CDK8: variants seen among roughly 807,000 people sequenced by gnomAD.
CDK8 encodes cyclin dependent kinase 8, also known as cyclin-dependent kinase 8.
CDK8 carries 29 observed loss-of-function variants against 71.5 expected under a neutral mutation model. The ratio of observed to expected loss-of-function variants is 0.41; its 90% CI spans 0.30 to 0.55. CDK8 has a LOEUF of 0.55. Ranked by LOEUF, CDK8 falls within the 20% of genes least tolerant of loss-of-function variation. CDK8 has a pLI of 0.37. For missense variants in CDK8, 288 were observed against 572.6 expected, an observed-to-expected ratio of 0.50 and a Z score of 5.07; for synonymous variants, 161 against 192.1, an observed-to-expected ratio of 0.84 and a Z score of 1.34.
intron 1 of CDK8, among the ~76,000 whole-genome samples, chr13:26,329,970 G>A (rs1287249645): frequency 1.3e-5 from 2 of 152,092 alleles, no homozygotes; most frequent in Non-Finnish European, 2.9e-5. Flanking sequence ...TCCACTTCCT[G>A]GGGTGTCTCA....
At chr13:26,291,426 T>C (rs1873293405) in intron 1 of CDK8, among the ~76,000 whole-genome samples, 1 of 152,180 alleles carries the variant, frequency 6.6e-6, no homozygotes, top group South Asian at 2.1e-4. Context: ...TTTGGTAGAA[T>C]TCTGAAATTG....
rs146163779 is a variant in CDK8, at chr13:26,356,256, G to A, written c.456+2376G>A. On this transcript the variant is annotated intron_variant, in intron 4 of 12. Coordinates refer to ENST00000381527, the MANE Select transcript of CDK8 (RefSeq NM_001260.3). ...TGCTTTTTATTGTCACTATATGCTG[G>A]CAATTCTGAACAATTTCAGTAATAA... Among the ~76,000 whole-genome samples the A allele has an allele frequency of 3.4e-3, 511 of 152,206 alleles. 4 individuals are homozygous for A. The highest frequency in any genetic ancestry group is 0.012 in the African/African-American group (494 of 41,524).
intron 3 of CDK8, among the ~76,000 whole-genome samples, chr13:26,352,280 A>C (rs923863051): frequency 6.6e-6 from 1 of 151,896 alleles, no homozygotes; most frequent in African/African-American, 2.4e-5. Flanking sequence ...CGGTGGCAGG[A>C]TCTCCACTCA....
At chr13:26,375,530 G>C (rs574752454) in intron 4 of CDK8, among the ~76,000 whole-genome samples, 8 of 152,166 alleles carry the variant, frequency 5.3e-5, no homozygotes, top group Non-Finnish European at 8.8e-5. Context: ...ATCTACCTAT[G>C]CATATATCTT....
intron 1 of CDK8, among the ~76,000 whole-genome samples, chr13:26,255,949 T>G (rs769698868): frequency 6.6e-6 from 1 of 152,198 alleles, no homozygotes; most frequent in African/African-American, 2.4e-5. Context: ...TTTAGTATTC[T>G]GGATGTTGGA....
intron 2 of CDK8, among the ~76,000 whole-genome samples, chr13:26,347,341 T>A (rs760551133): frequency 1.3e-5 from 2 of 152,194 alleles, no homozygotes; most frequent in Non-Finnish European, 2.9e-5. Flanking sequence ...GTGCTGTATC[T>A]CACAGGGTTG....
Position 26,401,317 on chromosome 13 carries a change from GGAA to G in CDK8, c.1087_1089del (p.Glu363del). 3.1e-6 allele frequency: 5 copies of G among 1,614,046 alleles called. No individual in the cohort carries two copies. Among genetic ancestry groups the G allele is most frequent in the Non-Finnish European group, 4.2e-6 (5 of 1,179,970 alleles). ...CTTACCCAAAACGAGAATTTTTAAC[GGAA>G]GAAGAACCTGATGACAAAGGAGACA... is the stretch of plus-strand genomic sequence containing the variant. On this transcript the variant is annotated inframe_deletion, in exon 11 of 13. Coordinates refer to ENST00000381527, the MANE Select transcript of CDK8 (RefSeq NM_001260.3). The surrounding 1 kb of genome is among the most constrained non-coding windows in gnomAD (Gnocchi z 4.5).
intron 1 of CDK8, among the ~76,000 whole-genome samples, chr13:26,279,185 T>G (rs1392635623): frequency 6.6e-6 from 1 of 152,158 alleles, no homozygotes; most frequent in Non-Finnish European, 1.5e-5. Flanking sequence ...TGCCAGTTGA[T>G]AAAATGTAGA....
At chr13:26,367,109 A>G (rs753751896) in intron 4 of CDK8, among the ~76,000 whole-genome samples, 2 of 152,060 alleles carry the variant, frequency 1.3e-5, no homozygotes. Flanking sequence ...AATTCCTAAT[A>G]CTCATCCTTT....
At chr13:26,372,454 C>T (rs1270681720) in intron 4 of CDK8, among the ~76,000 whole-genome samples, 1 of 152,112 alleles carries the variant, frequency 6.6e-6, no homozygotes, top group Non-Finnish European at 1.5e-5. Context: ...CCAAGACTAA[C>T]CAAAAGTCAG....
chr13:26,256,474 G>A (rs1871529193), intron 1 of CDK8, among the ~76,000 whole-genome samples: 1 of 152,042 alleles, frequency 6.6e-6, no homozygotes, highest in African/African-American at 2.4e-5. Flanking sequence ...TAGCGCCTTT[G>A]CATTATTTTT....
At chr13:26,344,071 A>G (rs959875448) in intron 2 of CDK8, among the ~76,000 whole-genome samples, 2 of 152,010 alleles carry the variant, frequency 1.3e-5, no homozygotes, top group East Asian at 3.9e-4. Context: ...GGTAGTTCCC[A>G]GTATCTATTG....
chr13:26,315,500 G>T (rs555523198), intron 1 of CDK8, among the ~76,000 whole-genome samples: 4 of 152,286 alleles, frequency 2.6e-5, no homozygotes, highest in African/African-American at 9.6e-5. Context: ...ATTAGCTCAT[G>T]TAGCTAGGGG....
intron 7 of CDK8, 68 bp downstream of exon 7, chr13:26,393,578 A>G (rs2138063652): frequency 1.3e-6 from 2 of 1,522,996 alleles, no homozygotes; most frequent in East Asian, 4.6e-5. Context: ...TCTTCGTTGG[A>G]GAGGTATATA....
At chr13:26,344,141 G>A (rs1319963964) in intron 2 of CDK8, among the ~76,000 whole-genome samples, 1 of 152,128 alleles carries the variant, frequency 6.6e-6, no homozygotes, top group Non-Finnish European at 1.5e-5. Flanking sequence ...GTGAGAACAT[G>A]TGGTATTTGG....
intron 1 of CDK8, among the ~76,000 whole-genome samples, chr13:26,277,067 CAGA>C (rs931085402): frequency 2.0e-5 from 3 of 152,160 alleles, no homozygotes; most frequent in Non-Finnish European, 4.4e-5. Context: ...AATTCTATTT[CAGA>C]AGAACACACA....
intron 1 of CDK8, among the ~76,000 whole-genome samples, chr13:26,256,887 T>G (rs572412849): frequency 6.6e-6 from 1 of 152,316 alleles, no homozygotes; most frequent in East Asian, 1.9e-4. Context: ...AGTTTTAAAA[T>G]TACTATCTTT....
chr13:26,296,387 G>C (rs772155871), intron 1 of CDK8, among the ~76,000 whole-genome samples: 21 of 152,288 alleles, frequency 1.4e-4, no homozygotes, highest in Middle Eastern at 6.8e-3. Context: ...CTAAGCTTTA[G>C]CATGTAGAAA....
Position 26,254,552 on chromosome 13 carries a change from C to T in CDK8, c.-90C>T. On this transcript the variant is annotated 5_prime_UTR_variant, in exon 1 of 13. Transcript: ENST00000381527. This position sits in a 1 kb window ranked among gnomAD's most constrained non-coding sequence, Gnocchi z 6.7. ...CCGGCGGGCGTAGAGCGGGCGGGTT[C>T]CCGGGGGCTGCGGCTGCCCGTGCTT... The T allele has an allele frequency of 5.0e-6, 6 of 1,202,138 alleles. No homozygotes were observed. In the South Asian group the frequency reaches 7.4e-5, roughly 15 times the overall value. 74.5% of individuals were successfully genotyped at this position (1,202,138 alleles called of 1,614,324 possible). A position where few individuals can be genotyped will look rare whatever the true frequency, so the allele number is the denominator to read the frequency against.
Sources: allele counts gnomAD v4.1 joint callset (sites outside exome capture counted in the v4.1 genomes callset), GRCh38; gene constraint gnomAD v4.1.1; non-coding constraint Gnocchi (gnomAD v3.1); transcripts MANE v1.5; gene names NCBI Gene and HGNC (gene_info 2026-07-23, HGNC 2026-07-21).